The following MST1R variants were observed in gnomAD, a reference collection of about 807,000 sequenced individuals.
MST1R encodes macrophage-stimulating protein receptor.
Under a neutral mutation model 117.8 loss-of-function variants are expected in MST1R, and 99 were observed. The ratio of observed to expected loss-of-function variants is 0.84; its 90% CI spans 0.71 to 0.99. The LOEUF (loss-of-function observed/expected upper bound fraction) is 0.99, where lower values mean the gene tolerates loss of function less well. Ranked by LOEUF, MST1R falls within the 50% of genes least tolerant of loss-of-function variation. The pLI is 0.00. For missense variants in MST1R, 1,683 were observed against 1,840.2 expected (o/e 0.91, Z 1.56); for synonymous variants, 734 against 765.3 (o/e 0.96, Z 0.68).
Position 49,891,762 on chromosome 3 carries a change from T to C in MST1R, c.3348A>G (p.Leu1116=), listed in dbSNP as rs781220265. The change falls in exon 15 of 20, where the codon CTA becomes CTG. Residue 1116 remains leucine (L), a synonymous_variant. Transcript: ENST00000296474. ...QNRIQCAIKS[L]SRITEMQQVE... Reference sequence around the variant, plus strand: ...CCCATCTTCTGCCCCACTTACGACTTAGTGACTTGATGGCACATTGGATTC... The same window carrying C: ...CCCATCTTCTGCCCCACTTACGACTCAGTGACTTGATGGCACATTGGATTC... The C allele has an allele frequency of 2.4e-5, 39 of 1,613,934 alleles. No homozygotes were observed. Among genetic ancestry groups the C allele is most frequent in the Non-Finnish European group, 3.2e-5 (38 of 1,179,996 alleles).
intron 12 of MST1R, 38 bp from the exon 13 acceptor site, chr3:49,895,586 G>C: frequency 6.2e-7 from 1 of 1,612,548 alleles, no homozygotes; most frequent in Non-Finnish European, 8.5e-7. Context: ...GGCTTTCCAA[G>C]CTCCTAGGGG....
chr3:49,900,650 G>C (rs2082647467), intron 1 of MST1R, among the ~76,000 whole-genome samples: 1 of 152,206 alleles, frequency 6.6e-6, no homozygotes, highest in South Asian at 2.1e-4. Context: ...CAGGAAATCG[G>C]CTTGGCTTGG....
Position 49,887,394 on chromosome 3 carries a change from A to G in MST1R, c.4116T>C (p.Asn1372=). 1 of 1,614,224 alleles carries G rather than the reference A, an allele frequency of 6.2e-7. No individual in the cohort carries two copies. The highest frequency in any genetic ancestry group is 2.2e-5 in the East Asian group (1 of 44,890). The change falls in exon 20 of 20, where the codon AAT becomes AAC. Residue 1372 remains asparagine, a synonymous_variant. Transcript: ENST00000296474. ...AGAACTGCGGCTGTTCTGGACGCACATTCATCTCATGCGAGGTGCTGGGGC... is the reference window on the plus strand; with the variant it reads ...AGAACTGCGGCTGTTCTGGACGCACGTTCATCTCATGCGAGGTGCTGGGGC... The part of the protein sequence containing the change: ...NLGPSTSHEM[N]VRPEQPQFSP...
intron 1 of MST1R, among the ~76,000 whole-genome samples, chr3:49,901,098 T>G (rs896790101): frequency 6.6e-6 from 1 of 151,738 alleles, no homozygotes; most frequent in Non-Finnish European, 1.5e-5. Context: ...TGGGGAGAGG[T>G]TCTGACTCCC....
intron 1 of MST1R, among the ~76,000 whole-genome samples, chr3:49,900,663 C>T (rs558802625): frequency 1.3e-5 from 2 of 152,288 alleles, no homozygotes; most frequent in African/African-American, 2.4e-5. Flanking sequence ...TGGCTTGGCC[C>T]GAGCCGGAAG....
chr3:49,891,545 G>C lies in MST1R; in HGVS notation c.3388C>G (p.Arg1130Gly), dbSNP rs200454353. ...AGGCCACGCATGAGCAGCCCCTCTC[G>C]CAGGAAGGCCTCCACCTGCTGCATC... ...TEMQQVEAFL[R>G]EGLLMRGLNH... Residue 1130 changes from arginine to glycine, a missense_variant, in exon 16 of 20, where the codon CGA (arginine) becomes GGA (glycine). Arg to Gly is a moderately radical substitution (Grantham distance 125). Coordinates refer to ENST00000296474, the MANE Select transcript of MST1R (RefSeq NM_002447.4). 6.2e-7 allele frequency: 1 copy of C among 1,613,904 alleles called. No individual in the cohort carries two copies. Among genetic ancestry groups the C allele is most frequent in the Non-Finnish European group, 8.5e-7 (1 of 1,180,030 alleles).
At chr3:49,896,992 T>G in intron 7 of MST1R, 102 bp from the exon 8 acceptor site, 1 of 1,340,990 alleles carries the variant, frequency 7.5e-7, no homozygotes, top group Non-Finnish European at 1.0e-6. Flanking sequence ...CTGTTATCTC[T>G]CCCACCTGCC....
At position 49,890,577 on chromosome 3, in the gene MST1R, T is replaced by C. The variant is rs1559467177; in HGVS notation, c.3718A>G (p.Ser1240Gly). 3 of 1,613,992 alleles carry C rather than the reference T, an allele frequency of 1.9e-6. No homozygotes were observed. The highest frequency in any genetic ancestry group is 1.3e-5 in the African/African-American group (1 of 74,922). Residue 1240 changes from serine (S) to glycine (G), a missense_variant, in exon 18 of 20, where the codon AGT becomes GGT. Coordinates refer to ENST00000296474, the MANE Select transcript of MST1R (RefSeq NM_002447.4). ...ARDILDREYY[S>G]VQQHRHARLP... is the part of the protein sequence containing the mutation. The stretch of plus-strand genomic sequence containing the variant: ...CGAGCGTGGCGATGCTGTTGAACAC[T>C]ATAGTACTCCCTGTCCAGGATGTCG...
Position 49,902,593 on chromosome 3 carries a change from G to A in MST1R, c.1017C>T (p.Ile339=), listed in dbSNP as rs776064681. ...VGAQLATELS[I]AEGQEVLFGV... ...CAAATAGTACTTCCTGGCCCTCGGCGATGCTCAGCTCAGTGGCAAGTTGGG... is the reference window on the plus strand; with the variant it reads ...CAAATAGTACTTCCTGGCCCTCGGCAATGCTCAGCTCAGTGGCAAGTTGGG... Residue 339 remains isoleucine, a synonymous_variant, in exon 1 of 20, where the codon ATC becomes ATT. Coordinates refer to ENST00000296474, the MANE Select transcript of MST1R (RefSeq NM_002447.4). 13 of 1,613,554 alleles carry A rather than the reference G, an allele frequency of 8.1e-6. No homozygotes were observed. The highest frequency in any genetic ancestry group is 6.7e-5 in the Admixed American group (4 of 60,014).
At chr3:49,892,333 G>A (rs576258611) in intron 14 of MST1R, among the ~76,000 whole-genome samples, 2 of 151,798 alleles carry the variant, frequency 1.3e-5, no homozygotes, top group South Asian at 4.2e-4. Flanking sequence ...AGCACTTTGA[G>A]AGGCCAAGGC....
rs916736399 is a variant in MST1R, at chr3:49,890,280, T to C, written c.3810+205A>G. 3.9e-5 allele frequency among the ~76,000 whole-genome samples: 6 copies of C among 152,176 alleles called. No homozygotes were observed. In the South Asian group the frequency reaches 1.0e-3, roughly 26 times the overall value. ...GGCTGGGCAGGCCCTGGATTATCTG[T>C]GAGGAGCCAGTGAGTTCCCAGCCTC... is the stretch of plus-strand genomic sequence containing the variant. On this transcript the variant is annotated intron_variant, in intron 18 of 19. Coordinates refer to ENST00000296474, the MANE Select transcript of MST1R (RefSeq NM_002447.4).
Position 49,895,705 on chromosome 3 carries a change from G to A in MST1R, c.2962+10C>T. On this transcript the variant is annotated intron_variant, in intron 12 of 19. Coordinates refer to ENST00000296474, the MANE Select transcript of MST1R (RefSeq NM_002447.4). ...TAGGGGCTGATTAAAGGTAGGAGCAGAGAACTCACCTAGCTGCTTCCTCCG... is the reference window on the plus strand; with the variant it reads ...TAGGGGCTGATTAAAGGTAGGAGCAAAGAACTCACCTAGCTGCTTCCTCCG... 6.2e-7 allele frequency: 1 copy of A among 1,612,082 alleles called. No individual in the cohort carries two copies.
At chr3:49,892,443 C>T (rs1191050360) in intron 14 of MST1R, among the ~76,000 whole-genome samples, 1 of 151,728 alleles carries the variant, frequency 6.6e-6, no homozygotes, top group Non-Finnish European at 1.5e-5. Flanking sequence ...AGGAGGATAG[C>T]TTGAACCCGG....
At chr3:49,893,398 G>A (rs897489040) in intron 14 of MST1R, among the ~76,000 whole-genome samples, 9 of 151,996 alleles carry the variant, frequency 5.9e-5, no homozygotes, top group Admixed American at 2.6e-4. Flanking sequence ...GAGGTTAGGA[G>A]TTTGAGACCA....
Position 49,891,881 on chromosome 3 carries a change from G to A in MST1R, c.3272-43C>T, listed in dbSNP as rs745836962. ...ATGAGTCGATGAGAGGGGATCCAGG[G>A]CCCAAGGCTCACACCACACATTCTC... On this transcript the variant is annotated intron_variant, in intron 14 of 19. Transcript: ENST00000296474. 1.3e-6 allele frequency: 2 copies of A among 1,565,172 alleles called. 1 individual carries two copies. Among genetic ancestry groups the A allele is most frequent in the South Asian group, 2.2e-5 (2 of 90,006 alleles).
chr3:49,903,085 G>A lies in MST1R; in HGVS notation c.525C>T (p.Pro175=), dbSNP rs147878512. Residue 175 remains proline, a synonymous_variant, in exon 1 of 20, where the codon CCC becomes CCT. Coordinates refer to ENST00000296474, the MANE Select transcript of MST1R (RefSeq NM_002447.4). ...TGCCCAATGGGCTGGCCACACAGTCGGGGCAGTCATCGGGCCGGTTATGGT... is the reference window on the plus strand; with the variant it reads ...TGCCCAATGGGCTGGCCACACAGTCAGGGCAGTCATCGGGCCGGTTATGGT... ...SAHHNRPDDC[P]DCVASPLGTR... 2.0e-5 allele frequency: 32 copies of A among 1,607,616 alleles called. No homozygotes were observed. The East Asian group carries it at 4.2e-4, about 21-fold the overall frequency.
intron 13 of MST1R, 30 bp from the exon 14 acceptor site, chr3:49,895,403 G>C: frequency 6.2e-7 from 1 of 1,614,164 alleles, no homozygotes; most frequent in Middle Eastern, 1.6e-4. Flanking sequence ...GGAGCTTGTA[G>C]GGACAGGGGG....
Position 49,896,725 on chromosome 3 carries a change from T to C in MST1R, c.2345+4A>G, listed in dbSNP as rs1379098370. On this transcript the variant is annotated splice_donor_region_variant and intron_variant, in intron 8 of 19. Transcript: ENST00000296474. ...GCCAGAGTGGGCAAAGAGGCAGTGC[T>C]TACATGTAGCCACAGTTGGGGCTGA... 2.5e-6 allele frequency: 4 copies of C among 1,599,242 alleles called. No homozygotes were observed. The African/African-American group carries it at 4.0e-5, about 16-fold the overall frequency.
At position 49,896,046 on chromosome 3, in the gene MST1R, C is replaced by T; in HGVS notation, c.2711G>A (p.Ser904Asn). ...VGINVTVGGESCQHEFRGDMV... is the reference protein window; with the variant it reads ...VGINVTVGGENCQHEFRGDMV... The stretch of plus-strand genomic sequence containing the variant: ...GTCCCCCCGGAACTCGTGCTGGCAG[C>T]TCTCACCACCCACGGTCACGTTGAT... Residue 904 changes from serine (S) to asparagine (N), a missense_variant, in exon 11 of 20, where the codon AGC (serine) becomes AAC (asparagine). Ser to Asn is a conservative substitution (Grantham distance 46, BLOSUM62 1). Transcript: ENST00000296474. 3 of 1,609,798 alleles carry T rather than the reference C, an allele frequency of 1.9e-6. No individual in the cohort carries two copies. Among genetic ancestry groups the T allele is most frequent in the South Asian group, 1.1e-5 (1 of 90,222 alleles).
Sources: allele counts gnomAD v4.1 joint callset (sites outside exome capture counted in the v4.1 genomes callset), GRCh38; gene constraint gnomAD v4.1.1; transcripts MANE v1.5; gene names NCBI Gene and HGNC (gene_info 2026-07-23, HGNC 2026-07-21).